TNFSF10: variants seen among roughly 807,000 people sequenced by gnomAD.
TNFSF10 encodes TNF superfamily member 10, also known as tumor necrosis factor ligand superfamily member 10.
Under a neutral mutation model 29.5 loss-of-function variants are expected in TNFSF10, and 13 were observed. That is an observed-to-expected ratio of 0.44 (90% CI 0.29 to 0.70). The LOEUF is 0.70. Among genes scored for constraint, TNFSF10 ranks in the 30% least tolerant of loss-of-function variants. The probability of loss-of-function intolerance (pLI) is 0.13; values close to 1 mark genes in which losing one functional copy is unlikely to be tolerated. For synonymous variants in TNFSF10, 111 were observed against 112.8 expected (o/e 0.98, Z 0.10); for missense variants, 345 against 330.9 (o/e 1.04, Z -0.33).
chr3:172,517,371 G>T, intron 1 of TNFSF10: 5 of 985,408 alleles, frequency 5.1e-6, no homozygotes, highest in Non-Finnish European at 6.0e-6. Flanking sequence ...GGAAAATTGA[G>T]TAAGGTCCTG....
intron 2 of TNFSF10, 89 bp from the exon 3 acceptor site, chr3:172,511,748 A>G: frequency 8.5e-7 from 1 of 1,177,672 alleles, no homozygotes; most frequent in East Asian, 2.5e-5. Context: ...CTGATGTCTA[A>G]CAGGAAATTT....
chr3:172,509,153 T>A, intron 4 of TNFSF10, 64 bp downstream of exon 4: 1 of 1,381,250 alleles, frequency 7.2e-7, no homozygotes, highest in Non-Finnish European at 1.0e-6. Flanking sequence ...CTTTAAAAAA[T>A]AAGTTACTTG....
At chr3:172,522,173 C>G in intron 1 of TNFSF10, 1 of 359,882 alleles carries the variant, frequency 2.8e-6, no homozygotes, top group Non-Finnish European at 5.3e-6. Flanking sequence ...CAAACCTGCA[C>G]GTTCTGTACA....
chr3:172,511,822 G>T (rs116470680), intron 2 of TNFSF10, among the ~76,000 whole-genome samples, 163 bp from the exon 3 acceptor site: 2,437 of 152,298 alleles, frequency 0.016, 65 homozygotes, highest in African/African-American at 0.056. Flanking sequence ...AAGGGGTGGG[G>T]TGGGAGCTGG....
At chr3:172,510,751 G>A (rs1484319277) in intron 3 of TNFSF10, among the ~76,000 whole-genome samples, 1 of 151,574 alleles carries the variant, frequency 6.6e-6, no homozygotes, top group African/African-American at 2.4e-5. Context: ...TTTCACCTTT[G>A]GAGAAATGAT....
intron 2 of TNFSF10, among the ~76,000 whole-genome samples, chr3:172,513,050 A>G (rs904563493): frequency 6.6e-6 from 1 of 152,248 alleles, no homozygotes; most frequent in African/African-American, 2.4e-5. Context: ...CTGAAAAGAA[A>G]AAGAGAATTA....
chr3:172,509,015 G>C, intron 4 of TNFSF10: 1 of 368,916 alleles, frequency 2.7e-6, no homozygotes, highest in Admixed American at 4.6e-5. Context: ...TAATTTTCCT[G>C]AGGCCAGTTA....
rs771887188 is a variant in TNFSF10, at chr3:172,506,805, T to C, written c.533A>G (p.Glu178Gly). ...GGAATAGATGTAGTAAAACCCTTTT[T>C]CATGGATGACCAGTTCACCATTCCT... ...HLRNGELVIH[E>G]KGFYYIYSQT... The change falls in exon 5 of 5, where the codon GAA becomes GGA. Residue 178 changes from glutamate (E) to glycine (G), a missense_variant. Physicochemically the swap from Glu to Gly is moderately conservative, Grantham distance 98 (BLOSUM62 -2). Coordinates refer to ENST00000241261, the MANE Select transcript of TNFSF10 (RefSeq NM_003810.4). The C allele has an allele frequency of 4.2e-5, 67 of 1,614,122 alleles. No homozygotes were observed. Among genetic ancestry groups the C allele is most frequent in the Non-Finnish European group, 5.5e-5 (65 of 1,180,050 alleles).
intron 1 of TNFSF10, 65 bp from the exon 2 acceptor site, chr3:172,515,063 A>T: frequency 6.2e-7 from 1 of 1,606,418 alleles, no homozygotes; most frequent in Non-Finnish European, 8.5e-7. Context: ...TTCATTTGGA[A>T]GTTAAGACAA....
chr3:172,508,891 A>T (rs1267123522), intron 4 of TNFSF10, among the ~76,000 whole-genome samples: 1 of 14,954 alleles, frequency 6.7e-5, no homozygotes, highest in African/African-American at 4.7e-4. Flanking sequence ...CTCTGTCTAA[A>T]AAAAAAAAGG....
chr3:172,511,761 A>G, intron 2 of TNFSF10, 102 bp from the exon 3 acceptor site: 1 of 985,270 alleles, frequency 1.0e-6, no homozygotes, highest in Admixed American at 2.3e-5. Context: ...GGAAATTTCT[A>G]CATGCATTAT....
chr3:172,509,933 C>T (rs563897573), intron 3 of TNFSF10, among the ~76,000 whole-genome samples: 1 of 146,976 alleles, frequency 6.8e-6, no homozygotes, highest in South Asian at 2.1e-4. Flanking sequence ...GAGCAGAGAT[C>T]TCACCATTGC....
chr3:172,518,649 T>C (rs1577014999), intron 1 of TNFSF10, among the ~76,000 whole-genome samples: 1 of 152,234 alleles, frequency 6.6e-6, no homozygotes, highest in East Asian at 1.9e-4. Context: ...TACAGGCTAT[T>C]TGTGAAGGTC....
intron 2 of TNFSF10, among the ~76,000 whole-genome samples, chr3:172,513,387 T>C (rs1040439732): frequency 1.3e-5 from 2 of 152,226 alleles, no homozygotes; most frequent in African/African-American, 4.8e-5. Flanking sequence ...CCTAGTCTCC[T>C]GGTCCTTGCC....
At chr3:172,521,760 C>A (rs1392261266) in intron 1 of TNFSF10, among the ~76,000 whole-genome samples, 1 of 152,218 alleles carries the variant, frequency 6.6e-6, no homozygotes, top group Non-Finnish European at 1.5e-5. Flanking sequence ...TTTATTCCAG[C>A]ACCATTTACA....
chr3:172,511,810 G>T, intron 2 of TNFSF10, 151 bp from the exon 3 acceptor site: 4 of 572,692 alleles, frequency 7.0e-6, no homozygotes, highest in Non-Finnish European at 3.1e-6. Context: ...CATAGGGTCT[G>T]TAAGGGGTGG....
chr3:172,507,424 A>G (rs1725955138), intron 4 of TNFSF10: 1 of 152,468 alleles, frequency 6.6e-6, no homozygotes, highest in African/African-American at 2.4e-5. Context: ...TCCAGAGTCA[A>G]AGGCACATCC....
In TNFSF10 at chr3:172,506,790, T is replaced by C. The variant is rs1465680407; in HGVS notation, c.548A>G (p.Tyr183Cys). ...ELVIHEKGFY[Y>C]IYSQTYFRFQ... ...TCGAAAGTATGTTTGGGAATAGATG[T>C]AGTAAAACCCTTTTTCATGGATGAC... is the stretch of plus-strand genomic sequence containing the variant. The change falls in exon 5 of 5, where the codon TAC becomes TGC. Residue 183 changes from tyrosine to cysteine, a missense_variant. Coordinates refer to ENST00000241261, the MANE Select transcript of TNFSF10 (RefSeq NM_003810.4). 2 of 1,614,216 alleles carry C rather than the reference T, an allele frequency of 1.2e-6. No homozygotes were observed. The highest frequency in any genetic ancestry group is 8.5e-7 in the Non-Finnish European group (1 of 1,180,038).
At chr3:172,509,045 CTGTT>C in intron 4 of TNFSF10, 168 bp downstream of exon 4, 1 of 434,472 alleles carries the variant, frequency 2.3e-6, no homozygotes, top group East Asian at 3.8e-5. Flanking sequence ...AATAATTGAG[CTGTT>C]TGTCTGTAAT....
Sources: allele counts gnomAD v4.1 joint callset (sites outside exome capture counted in the v4.1 genomes callset), GRCh38; gene constraint gnomAD v4.1.1; transcripts MANE v1.5; gene names NCBI Gene and HGNC (gene_info 2026-07-23, HGNC 2026-07-21).